CHRM3: variants seen among roughly 807,000 people sequenced by gnomAD.
CHRM3 encodes cholinergic receptor muscarinic 3.
CHRM3 carries 11 observed loss-of-function variants against 41.8 expected under a neutral mutation model. The observed-to-expected ratio is 0.26, with a 90% confidence interval of 0.17 to 0.44. The LOEUF (loss-of-function observed/expected upper bound fraction) is 0.44, where lower values mean the gene tolerates loss of function less well. Among genes scored for constraint, CHRM3 ranks in the 20% least tolerant of loss-of-function variants. CHRM3 has a pLI of 1.00. For missense variants in CHRM3, 571 were observed against 745.4 expected (o/e 0.77, Z 2.72); for synonymous variants, 297 against 301.4 (o/e 0.99, Z 0.15).
chr1:239,392,265 T>C lies in CHRM3; in HGVS notation c.-521+5038T>C, dbSNP rs545215222. Among the ~76,000 whole-genome samples, 4 of 152,308 alleles carry C rather than the reference T, an allele frequency of 2.6e-5. No individual in the cohort carries two copies. The East Asian group carries it at 5.8e-4, about 22-fold the overall frequency. On this transcript the variant is annotated intron_variant, in intron 1 of 6. Transcript: ENST00000676153. Reference sequence around the variant, plus strand: ...TGAGACTTGTAGTGCCCGGTTCCACTTGACAAATAAATTCTCCTTGTCTGT... The same window carrying C: ...TGAGACTTGTAGTGCCCGGTTCCACCTGACAAATAAATTCTCCTTGTCTGT...
chr1:239,821,179 G>A (rs374114768), intron 5 of CHRM3, among the ~76,000 whole-genome samples: 1 of 152,152 alleles, frequency 6.6e-6, no homozygotes, highest in Non-Finnish European at 1.5e-5. Context: ...AAATTCAAAA[G>A]GCCTGTTAAC....
At chr1:239,580,258 TCACA>T (rs374479816) in intron 3 of CHRM3, among the ~76,000 whole-genome samples, 25,917 of 132,436 alleles carry the variant, frequency 0.2, 2,566 homozygotes, top group Non-Finnish European at 0.22. Flanking sequence ...ATACACACTG[TCACA>T]CACACACACA....
rs1443255991 is a variant in CHRM3, at chr1:239,404,726, A to AT, written c.-521+17500dup. 3.7e-4 allele frequency among the ~76,000 whole-genome samples: 41 copies of AT among 109,850 alleles called. 1 individual carries two copies. The highest frequency in any genetic ancestry group is 5.6e-3 in the Middle Eastern group (1 of 178). The allele number at this position is 109,850 out of a possible 152,430, so 72.1% of individuals were successfully genotyped here. On this transcript the variant is annotated intron_variant, in intron 1 of 6. Transcript: ENST00000676153. ...TGTATCATGCTATATCTAAATATATATATATATATATATATATATATATAT... is the reference window on the plus strand; with the variant it reads ...TGTATCATGCTATATCTAAATATATATTATATATATATATATATATATATAT...
chr1:239,714,818 A>T (rs1455784177), intron 5 of CHRM3, among the ~76,000 whole-genome samples: 5 of 152,128 alleles, frequency 3.3e-5, no homozygotes, highest in African/African-American at 1.2e-4. Flanking sequence ...GGGATTTTAG[A>T]TGCCTGATGT....
chr1:239,549,582 G>C (rs1217277620), intron 3 of CHRM3, among the ~76,000 whole-genome samples: 7 of 150,368 alleles, frequency 4.7e-5, no homozygotes, highest in African/African-American at 1.7e-4. Flanking sequence ...AATCACTGGA[G>C]CCTGTGGGGT....
chr1:239,904,901 A>G (rs902819241), intron 6 of CHRM3, among the ~76,000 whole-genome samples: 5 of 152,172 alleles, frequency 3.3e-5, no homozygotes, highest in African/African-American at 1.2e-4. Context: ...ATGTATTTAT[A>G]TGTGCATATG....
Position 239,562,229 on chromosome 1 carries a change from G to A in CHRM3, c.-313+16480G>A, listed in dbSNP as rs758313796. Reference sequence around the variant, plus strand: ...GAAACAAAGGGGAAGGGGAAGGGAGGCATGTGTTAGAGACAATACCCAGTT... The same window carrying A: ...GAAACAAAGGGGAAGGGGAAGGGAGACATGTGTTAGAGACAATACCCAGTT... On this transcript the variant is annotated intron_variant, in intron 3 of 6. Coordinates refer to ENST00000676153, the MANE Select transcript of CHRM3 (RefSeq NM_001375978.1). Among the ~76,000 whole-genome samples the A allele has an allele frequency of 9.2e-5, 14 of 152,164 alleles. 1 individual carries two copies. The highest frequency in any genetic ancestry group is 5.9e-5 in the Non-Finnish European group (4 of 68,036).
chr1:239,769,017 G>A (rs1355125638), intron 5 of CHRM3, among the ~76,000 whole-genome samples: 4 of 151,864 alleles, frequency 2.6e-5, no homozygotes, highest in Admixed American at 1.3e-4. Context: ...CACCCACCTC[G>A]GCCTCCCCAA....
intron 1 of CHRM3, among the ~76,000 whole-genome samples, chr1:239,443,714 A>G (rs1663907013): frequency 6.6e-6 from 1 of 152,222 alleles, no homozygotes; most frequent in Admixed American, 6.5e-5. Context: ...AGTCGGTATA[A>G]TATAAACGCT....
At chr1:239,652,576 A>G (rs943056175) in intron 4 of CHRM3, among the ~76,000 whole-genome samples, 6 of 152,174 alleles carry the variant, frequency 3.9e-5, no homozygotes, top group Non-Finnish European at 5.9e-5. Context: ...GTAGTGAGGA[A>G]GAAGCGTTGT....
intron 5 of CHRM3, among the ~76,000 whole-genome samples, chr1:239,742,375 C>T (rs1664935994): frequency 6.6e-6 from 1 of 152,160 alleles, no homozygotes; most frequent in South Asian, 2.1e-4. Flanking sequence ...AGCACAGTCA[C>T]TTGGAGGTTC....
intron 1 of CHRM3, among the ~76,000 whole-genome samples, chr1:239,472,703 C>T (rs905619089): frequency 2.3e-4 from 35 of 149,692 alleles, no homozygotes; most frequent in Admixed American, 1.3e-4. Context: ...GGGAGGGGGA[C>T]AACACCCACT....
intron 5 of CHRM3, among the ~76,000 whole-genome samples, chr1:239,758,287 A>C (rs572184901): frequency 6.6e-6 from 1 of 152,224 alleles, no homozygotes; most frequent in Admixed American, 6.5e-5. Context: ...AGTGGTGGGC[A>C]GAAGATGTAT....
At chr1:239,660,181 C>G (rs1400132084) in intron 4 of CHRM3, among the ~76,000 whole-genome samples, 3 of 152,150 alleles carry the variant, frequency 2.0e-5, no homozygotes, top group Non-Finnish European at 2.9e-5. Flanking sequence ...GGGGTTCTCA[C>G]TAATTTGACC....
chr1:239,529,637 AAAC>A (rs1222330775), intron 2 of CHRM3, among the ~76,000 whole-genome samples: 3 of 45,254 alleles, frequency 6.6e-5, no homozygotes, highest in African/African-American at 1.6e-4. Flanking sequence ...AAAAACAAAC[AAAC>A]AACAACAATA....
At chr1:239,631,988 C>T (rs947073561) in intron 3 of CHRM3, among the ~76,000 whole-genome samples, 5 of 152,176 alleles carry the variant, frequency 3.3e-5, no homozygotes, top group African/African-American at 1.2e-4. Flanking sequence ...ATGAGGAAGT[C>T]AATAGATACA....
At chr1:239,842,739 T>C (rs1252631529) in intron 6 of CHRM3, among the ~76,000 whole-genome samples, 1 of 152,152 alleles carries the variant, frequency 6.6e-6, no homozygotes, top group Non-Finnish European at 1.5e-5. Context: ...CACACATGCA[T>C]GCACGCACAC....
At chr1:239,390,973 C>T (rs1368485589) in intron 1 of CHRM3, among the ~76,000 whole-genome samples, 2 of 152,124 alleles carry the variant, frequency 1.3e-5, no homozygotes, top group African/African-American at 4.8e-5. Context: ...CCCATCTCTA[C>T]AAAAAGTGTA....
At chr1:239,742,060 C>T (rs1664900969) in intron 5 of CHRM3, among the ~76,000 whole-genome samples, 1 of 150,070 alleles carries the variant, frequency 6.7e-6, no homozygotes, top group African/African-American at 2.5e-5. Context: ...AGCAATGTTA[C>T]AATTCTTGCC....
Sources: gnomAD v4.1 joint callset for allele counts (sites outside exome capture counted in the v4.1 genomes callset) on GRCh38, gnomAD v4.1.1 for gene constraint, MANE v1.5 for transcripts, NCBI Gene and HGNC (gene_info 2026-07-23, HGNC 2026-07-21) for gene names.